ADAM12: variants seen among roughly 807,000 people sequenced by gnomAD.
The protein encoded by ADAM12 is ADAM metallopeptidase domain 12.
In ADAM12, 70 loss-of-function variants were observed where a neutral mutation model predicts 106.4. The observed-to-expected ratio is 0.66, with a 90% CI of 0.54 to 0.80. ADAM12 has a LOEUF of 0.80. Ranked by LOEUF, ADAM12 falls within the 30% of genes least tolerant of loss-of-function variation. The probability of loss-of-function intolerance (pLI) is 0.00; values close to 1 mark genes in which losing one functional copy is unlikely to be tolerated. For synonymous variants in ADAM12, 420 were observed against 433.5 expected, an observed-to-expected ratio of 0.97 and a Z score of 0.39; for missense variants, 1,010 against 1,171.9, an observed-to-expected ratio of 0.86 and a Z score of 2.02.
At chr10:126,091,484 G>T (rs995692638) in intron 11 of ADAM12, among the ~76,000 whole-genome samples, 2 of 152,126 alleles carry the variant, frequency 1.3e-5, no homozygotes, top group Non-Finnish European at 2.9e-5. Context: ...AGGAATGTGG[G>T]ATCATAAATG....
At chr10:126,357,689 C>T (rs1004674705) in intron 1 of ADAM12, among the ~76,000 whole-genome samples, 2 of 152,012 alleles carry the variant, frequency 1.3e-5, no homozygotes, top group East Asian at 1.9e-4. Context: ...GAAGAAGTGC[C>T]GAGCAAAACG....
intron 18 of ADAM12, chr10:126,041,802 A>C: frequency 8.8e-7 from 1 of 1,140,142 alleles, no homozygotes; most frequent in Non-Finnish European, 1.1e-6. Flanking sequence ...GGCTCAGTGA[A>C]AGGCCAGACT....
chr10:126,359,018 G>A (rs1439184443), intron 1 of ADAM12, among the ~76,000 whole-genome samples: 1 of 152,170 alleles, frequency 6.6e-6, no homozygotes, highest in Non-Finnish European at 1.5e-5. Context: ...AGGCAAGGAG[G>A]AGCAAGTCAT....
chr10:126,321,296 A>G (rs544821852), intron 2 of ADAM12, among the ~76,000 whole-genome samples: 3 of 152,214 alleles, frequency 2.0e-5, no homozygotes, highest in Non-Finnish European at 4.4e-5. Context: ...TTATTTTAAA[A>G]TATGATTTTT....
intron 3 of ADAM12, among the ~76,000 whole-genome samples, chr10:126,243,777 T>C (rs554698316): frequency 2.0e-4 from 31 of 152,198 alleles, no homozygotes; most frequent in Non-Finnish European, 2.9e-5. Flanking sequence ...AAGCAGCTTC[T>C]GATGTCTTTC....
At chr10:126,031,701 A>G (rs924387874) in intron 21 of ADAM12, among the ~76,000 whole-genome samples, 2 of 152,168 alleles carry the variant, frequency 1.3e-5, no homozygotes, top group Non-Finnish European at 2.9e-5. Flanking sequence ...CAGACTGGTG[A>G]GTCTTGTGTT....
intron 6 of ADAM12, among the ~76,000 whole-genome samples, chr10:126,114,461 C>T (rs888184840): frequency 1.4e-4 from 22 of 152,058 alleles, no homozygotes; most frequent in Non-Finnish European, 3.1e-4. Context: ...CTGCCCCGTT[C>T]CCCACCAAGC....
chr10:126,267,872 T>C (rs1296727147), intron 3 of ADAM12, among the ~76,000 whole-genome samples: 2 of 152,158 alleles, frequency 1.3e-5, no homozygotes, highest in African/African-American at 2.4e-5. Context: ...CTCTACACTA[T>C]GTACCTTCAT....
intron 3 of ADAM12, among the ~76,000 whole-genome samples, chr10:126,179,789 C>T (rs1221451113): frequency 6.6e-6 from 1 of 152,044 alleles, no homozygotes; most frequent in African/African-American, 2.4e-5. Flanking sequence ...GTTATTGATG[C>T]TGGGGTAGCA....
intron 5 of ADAM12, among the ~76,000 whole-genome samples, chr10:126,126,385 A>G (rs1956206625): frequency 2.0e-5 from 3 of 152,112 alleles, no homozygotes; most frequent in Admixed American, 2.0e-4. Context: ...GTCACTAACA[A>G]CATTTTATTA....
intron 3 of ADAM12, among the ~76,000 whole-genome samples, chr10:126,232,066 T>A (rs1382423455): frequency 6.6e-6 from 1 of 152,180 alleles, no homozygotes; most frequent in Non-Finnish European, 1.5e-5. Context: ...ATGGGCTGAA[T>A]ACTGGCCTCC....
chr10:126,194,068 C>T (rs1382463061), intron 3 of ADAM12, among the ~76,000 whole-genome samples: 1 of 151,946 alleles, frequency 6.6e-6, no homozygotes, highest in Non-Finnish European at 1.5e-5. Context: ...AAAAGTTACA[C>T]TTGTGAAATG....
chr10:126,182,581 G>A (rs1957332524), intron 3 of ADAM12, among the ~76,000 whole-genome samples: 1 of 152,182 alleles, frequency 6.6e-6, no homozygotes, highest in Non-Finnish European at 1.5e-5. Context: ...TGGAGGTATA[G>A]GACTTATCAG....
At chr10:126,085,715 C>T (rs1955326163) in intron 11 of ADAM12, among the ~76,000 whole-genome samples, 1 of 152,188 alleles carries the variant, frequency 6.6e-6, no homozygotes, top group South Asian at 2.1e-4. Flanking sequence ...ATCCACTGAC[C>T]CATCTACCTA....
rs1339268565 is a variant in ADAM12, at chr10:126,039,333, A to G, written c.2201T>C (p.Leu734Pro). The G allele has an allele frequency of 6.2e-7, 1 of 1,614,022 alleles. No homozygotes were observed. The highest frequency in any genetic ancestry group is 1.3e-5 in the African/African-American group (1 of 74,914). The change falls in exon 19 of 23, where the codon CTG becomes CCG. Residue 734 changes from leucine (L) to proline (P), a missense_variant. Leu to Pro is a moderately conservative substitution (Grantham distance 98). Coordinates refer to ENST00000448723, the MANE Select transcript of ADAM12 (RefSeq NM_001288973.2). Reference protein sequence around the residue: ...VYLKRKTLIRLLFTNKKTTIE... With the variant: ...VYLKRKTLIRPLFTNKKTTIE... ...GGTGGTCTTCTTATTTGTAAACAGC[A>G]GTCGTATCAAGGTCTTCCTTTTGAG...
chr10:126,310,394 G>A (rs796450469), intron 2 of ADAM12, among the ~76,000 whole-genome samples: 24 of 152,214 alleles, frequency 1.6e-4, no homozygotes, highest in African/African-American at 5.8e-4. Context: ...GCAAGTAAGA[G>A]AAAGAAATCA....
At chr10:126,036,813 G>C (rs898926055) in intron 20 of ADAM12, among the ~76,000 whole-genome samples, 3 of 152,214 alleles carry the variant, frequency 2.0e-5, no homozygotes, top group Non-Finnish European at 4.4e-5. Flanking sequence ...GGTAACCCTT[G>C]TTCTTAGAAC....
intron 3 of ADAM12, among the ~76,000 whole-genome samples, chr10:126,272,171 A>G (rs1359487197): frequency 1.3e-5 from 2 of 152,156 alleles, no homozygotes; most frequent in African/African-American, 4.8e-5. Flanking sequence ...TCCTTGACTA[A>G]ATTCTAAGAG....
chr10:126,104,838 G>C (rs1157908227), intron 8 of ADAM12, among the ~76,000 whole-genome samples: 1 of 152,206 alleles, frequency 6.6e-6, no homozygotes, highest in Non-Finnish European at 1.5e-5. Flanking sequence ...TATTAAGTTA[G>C]AATGGTCCAG....
Sources: gnomAD v4.1 joint callset for allele counts (sites outside exome capture counted in the v4.1 genomes callset) on GRCh38, gnomAD v4.1.1 for gene constraint, MANE v1.5 for transcripts, NCBI Gene and HGNC (gene_info 2026-07-23, HGNC 2026-07-21) for gene names.